The following VAT1L variants were observed in gnomAD, a reference collection of about 807,000 sequenced individuals.
The protein encoded by VAT1L is putative NADPH-dependent quinone oxidoreductase VAT1L.
VAT1L carries 34 observed loss-of-function variants against 44.1 expected under a neutral mutation model. That is an observed-to-expected ratio of 0.77 (90% confidence interval 0.59 to 1.03). The LOEUF (loss-of-function observed/expected upper bound fraction) is 1.03. Among genes scored for constraint, VAT1L ranks in the 50% least tolerant of loss-of-function variants. The pLI is 0.00. For missense variants in VAT1L, 615 were observed against 538.8 expected, an observed-to-expected ratio of 1.14 and a Z score of -1.40; for synonymous variants, 253 against 202.2, an observed-to-expected ratio of 1.25 and a Z score of -2.13.
chr16:77,914,868 G>A (rs1405604920), intron 7 of VAT1L, among the ~76,000 whole-genome samples: 1 of 152,224 alleles, frequency 6.6e-6, no homozygotes, highest in Non-Finnish European at 1.5e-5. Flanking sequence ...GTTCACGCCT[G>A]TAATCCCAGC....
intron 1 of VAT1L, among the ~76,000 whole-genome samples, chr16:77,789,165 C>T (rs375651418): frequency 3.9e-5 from 6 of 152,244 alleles, no homozygotes; most frequent in African/African-American, 1.4e-4. Flanking sequence ...AATGCTGGCG[C>T]CCAGGCACCC....
intron 7 of VAT1L, among the ~76,000 whole-genome samples, chr16:77,971,593 G>C (rs1013196905): frequency 2.6e-5 from 4 of 152,060 alleles, no homozygotes; most frequent in Admixed American, 6.6e-5. Flanking sequence ...CCCTTTTAAG[G>C]AATGTTCATC....
chr16:77,874,497 TCCA>T (rs1421855615), intron 4 of VAT1L, among the ~76,000 whole-genome samples: 2 of 152,102 alleles, frequency 1.3e-5, no homozygotes, highest in African/African-American at 2.4e-5. Context: ...GTTTTCATAC[TCCA>T]GCCACACTGG....
In VAT1L at chr16:77,928,536, T is replaced by C. The variant is rs548780867; in HGVS notation, c.1078-43314T>C. On this transcript the variant is annotated intron_variant, in intron 7 of 8. Transcript: ENST00000302536. The stretch of plus-strand genomic sequence containing the variant: ...CCATAACTGTCATCTCAGAAACCGC[T>C]ATCTTGGATGTGATGTGACAACCAA... 3.3e-5 allele frequency among the ~76,000 whole-genome samples: 5 copies of C among 152,292 alleles called. No homozygotes were observed. In the South Asian group the frequency reaches 1.0e-3, roughly 32 times the overall value.
intron 7 of VAT1L, among the ~76,000 whole-genome samples, chr16:77,952,207 T>C (rs888680876): frequency 1.3e-5 from 2 of 152,234 alleles, no homozygotes; most frequent in African/African-American, 4.8e-5. Context: ...TAATTTACAA[T>C]ATCAAGTTTT....
chr16:77,809,114 T>A (rs1206108668), intron 1 of VAT1L, among the ~76,000 whole-genome samples: 1 of 152,208 alleles, frequency 6.6e-6, no homozygotes, highest in East Asian at 1.9e-4. Context: ...TTTACATCAC[T>A]TGCTTTCGCA....
intron 7 of VAT1L, among the ~76,000 whole-genome samples, chr16:77,904,473 G>C (rs1309592821): frequency 6.6e-6 from 1 of 152,150 alleles, no homozygotes; most frequent in Non-Finnish European, 1.5e-5. Flanking sequence ...TCTCTGGCTT[G>C]TGGACAGCCA....
At chr16:77,924,469 T>A (rs1162491896) in intron 7 of VAT1L, among the ~76,000 whole-genome samples, 1 of 152,098 alleles carries the variant, frequency 6.6e-6, no homozygotes, top group Non-Finnish European at 1.5e-5. Context: ...CCCCACTGTT[T>A]TTTTTTCCTG....
In VAT1L at chr16:77,806,186, G is replaced by A. The variant is rs148023314; in HGVS notation, c.234-10735G>A. Among the ~76,000 whole-genome samples the A allele has an allele frequency of 3.0e-3, 453 of 149,456 alleles. 3 individuals carry two copies. The highest frequency in any genetic ancestry group is 0.011 in the African/African-American group (435 of 40,592). On this transcript the variant is annotated intron_variant, in intron 1 of 8. Coordinates refer to ENST00000302536, the MANE Select transcript of VAT1L (RefSeq NM_020927.3). Reference sequence around the variant, plus strand: ...CCTCTGCCCCCTTTTTAAATTCCTCGATCTCTTTCTTTTTCTTTCTATTTA... The same window carrying A: ...CCTCTGCCCCCTTTTTAAATTCCTCAATCTCTTTCTTTTTCTTTCTATTTA...
intron 7 of VAT1L, among the ~76,000 whole-genome samples, chr16:77,911,306 T>A (rs1206680306): frequency 6.6e-6 from 1 of 152,158 alleles, no homozygotes; most frequent in Non-Finnish European, 1.5e-5. Flanking sequence ...AATGAGGTGA[T>A]TGGTGGCTTT....
At chr16:77,821,175 G>T (rs2016447064) in intron 2 of VAT1L, among the ~76,000 whole-genome samples, 1 of 152,112 alleles carries the variant, frequency 6.6e-6, no homozygotes, top group African/African-American at 2.4e-5. Flanking sequence ...CCCAGCCTCT[G>T]CCCTCTAAGA....
At chr16:77,823,273 G>A (rs17717463) in intron 2 of VAT1L, among the ~76,000 whole-genome samples, 11,941 of 151,884 alleles carry the variant, frequency 0.079, 645 homozygotes, top group East Asian at 0.23. Context: ...CTGAAACATC[G>A]TCATCATAGT....
At chr16:77,869,130 A>T (rs2017004642) in intron 4 of VAT1L, among the ~76,000 whole-genome samples, 1 of 152,196 alleles carries the variant, frequency 6.6e-6, no homozygotes, top group South Asian at 2.1e-4. Flanking sequence ...CAGGAGAATG[A>T]GTAGCAGAAG....
intron 1 of VAT1L, among the ~76,000 whole-genome samples, chr16:77,807,523 C>G (rs1348865963): frequency 6.6e-6 from 1 of 152,140 alleles, no homozygotes; most frequent in Non-Finnish European, 1.5e-5. Flanking sequence ...CAGAGTTCAA[C>G]TTCTCCCCGT....
chr16:77,976,536 C>T (rs1365356082), intron 8 of VAT1L, among the ~76,000 whole-genome samples: 1 of 152,084 alleles, frequency 6.6e-6, no homozygotes, highest in East Asian at 1.9e-4. Context: ...TCAGAATAAG[C>T]CATGAAGCAG....
intron 1 of VAT1L, among the ~76,000 whole-genome samples, chr16:77,802,763 T>C (rs535279254): frequency 5.2e-4 from 79 of 152,198 alleles, no homozygotes; most frequent in Non-Finnish European, 9.9e-4. Context: ...CTCCAAACTC[T>C]CCCCTACTCT....
At chr16:77,880,518 T>C (rs1306911328) in intron 6 of VAT1L, among the ~76,000 whole-genome samples, 1 of 151,268 alleles carries the variant, frequency 6.6e-6, no homozygotes, top group Non-Finnish European at 1.5e-5. Context: ...TTCCTTCTCT[T>C]CTTTGAAATG....
At chr16:77,920,547 T>C (rs564019230) in intron 7 of VAT1L, among the ~76,000 whole-genome samples, 1 of 152,220 alleles carries the variant, frequency 6.6e-6, no homozygotes, top group East Asian at 1.9e-4. Context: ...CATATGTCAA[T>C]ATATGTATAT....
In VAT1L at chr16:77,884,460, C is replaced by A; in HGVS notation, c.883-148C>A. ...TAAAAAATAAAATAAAAAAATACAC[C>A]ACCAAGAGCAACCCCTTGGCCAGCT... On this transcript the variant is annotated intron_variant, in intron 6 of 8. Coordinates refer to ENST00000302536, the MANE Select transcript of VAT1L (RefSeq NM_020927.3). This position sits in a 1 kb window ranked among gnomAD's most constrained non-coding sequence, Gnocchi z 4.5. 1.7e-6 allele frequency: 1 copy of A among 598,904 alleles called. No homozygotes were observed. The highest frequency in any genetic ancestry group is 2.7e-6 in the Non-Finnish European group (1 of 368,816). The allele number at this position is 598,904 out of a possible 1,614,324, so 37.1% of individuals were successfully genotyped here.
Sources: gnomAD v4.1 joint callset for allele counts (sites outside exome capture counted in the v4.1 genomes callset) on GRCh38, gnomAD v4.1.1 for gene constraint, Gnocchi (gnomAD v3.1) non-coding constraint, MANE v1.5 for transcripts, NCBI Gene and HGNC (gene_info 2026-07-23, HGNC 2026-07-21) for gene names.